LYST: variants seen among roughly 807,000 people sequenced by gnomAD.
LYST encodes lysosomal trafficking regulator.
A neutral mutation model predicts 413.6 loss-of-function variants in LYST; 192 were observed. The ratio of observed to expected loss-of-function variants is 0.46; its 90% confidence interval spans 0.41 to 0.52. LYST has a LOEUF of 0.52. Among genes scored for constraint, LYST ranks in the 20% least tolerant of loss-of-function variants. The probability of loss-of-function intolerance (pLI) is 0.00; values close to 1 mark genes in which losing one functional copy is unlikely to be tolerated. For missense variants in LYST, 3,815 were observed against 4,499.9 expected (o/e 0.85, Z 4.35); for synonymous variants, 1,525 against 1,567.3 (o/e 0.97, Z 0.64).
intron 46 of LYST, among the ~76,000 whole-genome samples, chr1:235,696,685 T>C (rs769874603): frequency 6.6e-6 from 1 of 152,238 alleles, no homozygotes; most frequent in Non-Finnish European, 1.5e-5. Flanking sequence ...CTTTAAAACC[T>C]ATTTTCAAGG....
At position 235,752,017 on chromosome 1, in the gene LYST, T is replaced by C; in HGVS notation, c.7615A>G (p.Lys2539Glu). The C allele has an allele frequency of 1.2e-6, 2 of 1,609,416 alleles. No individual in the cohort carries two copies. The highest frequency in any genetic ancestry group is 1.1e-5 in the South Asian group (1 of 90,946). Reference protein sequence around the residue: ...MLGYLQNSKNKRTQNMAVALQ... With the variant: ...MLGYLQNSKNERTQNMAVALQ... ...AATTAAATCTTACTTTGTGTCCTCT[T>C]GTTTTTGCTATTTTGAAGATATCCA... Residue 2539 changes from lysine (K) to glutamate (E), a missense_variant, in exon 27 of 53, where the codon AAG (lysine) becomes GAG (glutamate). Lys to Glu is a moderately conservative substitution (Grantham distance 56, BLOSUM62 1). Coordinates refer to ENST00000389793, the MANE Select transcript of LYST (RefSeq NM_000081.4).
intron 48 of LYST, among the ~76,000 whole-genome samples, chr1:235,679,135 G>A (rs558272674): frequency 6.6e-6 from 1 of 152,292 alleles, no homozygotes; most frequent in East Asian, 1.9e-4. Context: ...TGTTTAGCTA[G>A]GGCGTGTGAC....
chr1:235,859,868 T>C (rs1679657939), intron 1 of LYST, among the ~76,000 whole-genome samples: 1 of 152,248 alleles, frequency 6.6e-6, no homozygotes, highest in Non-Finnish European at 1.5e-5. Context: ...GAATGTACTC[T>C]GTAAGTTATA....
At chr1:235,866,013 G>C (rs1331585203) in intron 1 of LYST, among the ~76,000 whole-genome samples, 1 of 152,122 alleles carries the variant, frequency 6.6e-6, no homozygotes, top group African/African-American at 2.4e-5. Flanking sequence ...CTGCCGAGCG[G>C]ATCGGGGATG....
At chr1:235,685,799 T>G (rs968140198) in intron 48 of LYST, among the ~76,000 whole-genome samples, 3 of 149,714 alleles carry the variant, frequency 2.0e-5, no homozygotes, top group Non-Finnish European at 4.4e-5. Context: ...TGAGCCAAGA[T>G]CACACCATTG....
intron 45 of LYST, among the ~76,000 whole-genome samples, chr1:235,699,709 T>C (rs1661396706): frequency 6.6e-6 from 1 of 152,218 alleles, no homozygotes; most frequent in Non-Finnish European, 1.5e-5. Context: ...TGTAAAAGCG[T>C]TCCTATTTCT....
intron 1 of LYST, among the ~76,000 whole-genome samples, chr1:235,856,575 T>C (rs970360620): frequency 6.6e-5 from 10 of 152,250 alleles, no homozygotes; most frequent in Non-Finnish European, 5.9e-5. Flanking sequence ...TCTTCAATGT[T>C]TCCTTAAACT....
chr1:235,677,729 T>G, intron 48 of LYST, 110 bp from the exon 49 acceptor site: 1 of 807,946 alleles, frequency 1.2e-6, no homozygotes. Flanking sequence ...CTCAAACATA[T>G]CATTCTTCAA....
intron 43 of LYST, among the ~76,000 whole-genome samples, chr1:235,710,260 T>C (rs1662303729): frequency 6.6e-6 from 1 of 152,104 alleles, no homozygotes; most frequent in African/African-American, 2.4e-5. Context: ...TCACATGGGA[T>C]GGGGATGTGA....
intron 20 of LYST, among the ~76,000 whole-genome samples, chr1:235,767,842 C>A (rs999972101): frequency 1.3e-5 from 2 of 151,976 alleles, no homozygotes; most frequent in African/African-American, 2.4e-5. Flanking sequence ...AGTCAATGGC[C>A]CTTTATCTGC....
At chr1:235,847,033 G>A (rs1368996021) in intron 1 of LYST, among the ~76,000 whole-genome samples, 1 of 152,080 alleles carries the variant, frequency 6.6e-6, no homozygotes, top group Non-Finnish European at 1.5e-5. Flanking sequence ...AGATCACCTG[G>A]GAAATTCATC....
At chr1:235,695,451 G>T (rs1427526114) in intron 46 of LYST, among the ~76,000 whole-genome samples, 1 of 152,154 alleles carries the variant, frequency 6.6e-6, no homozygotes, top group Non-Finnish European at 1.5e-5. Context: ...ATTGTGCGAA[G>T]AAATTAAGTG....
At chr1:235,764,811 T>C (rs1351456306) in intron 21 of LYST, among the ~76,000 whole-genome samples, 1 of 152,176 alleles carries the variant, frequency 6.6e-6, no homozygotes, top group Admixed American at 6.5e-5. Context: ...CCCCATTTAC[T>C]ACATCTCTTA....
intron 48 of LYST, among the ~76,000 whole-genome samples, chr1:235,680,691 T>A (rs112155750): frequency 0.015 from 2,353 of 152,060 alleles, 60 homozygotes; most frequent in African/African-American, 0.053. Context: ...CTCCACCTCC[T>A]GGGTTCAAGT....
In LYST at chr1:235,737,176, CCA is replaced by C. The variant is rs777053265; in HGVS notation, c.8359-2519_8359-2518del. 6.6e-5 allele frequency: 10 copies of C among 152,122 alleles called. No homozygotes were observed. The East Asian group carries it at 7.7e-4, about 12-fold the overall frequency. The allele number at this position is 152,122 out of a possible 1,614,324, so 9.4% of individuals were successfully genotyped here. A position where few individuals can be genotyped will look rare whatever the true frequency, so the allele number is the denominator to read the frequency against. On this transcript the variant is annotated intron_variant, in intron 31 of 52. Transcript: ENST00000389793. ...TAATAGTATGCTAAGAAAAAAAGAA[CCA>C]CAAAGACATCTTCAACTGCACTCAG...
At chr1:235,754,116 T>C (rs553796627) in intron 25 of LYST, among the ~76,000 whole-genome samples, 1 of 152,234 alleles carries the variant, frequency 6.6e-6, no homozygotes, top group African/African-American at 2.4e-5. Flanking sequence ...GTGAGGGATT[T>C]ACTCCTCTCC....
At chr1:235,706,008 G>A (rs1661956790) in intron 44 of LYST, among the ~76,000 whole-genome samples, 1 of 152,040 alleles carries the variant, frequency 6.6e-6, no homozygotes, top group African/African-American at 2.4e-5. Flanking sequence ...GGCCAGGCTG[G>A]TCTTGAACTC....
intron 43 of LYST, among the ~76,000 whole-genome samples, chr1:235,711,550 A>G (rs1662400581): frequency 6.6e-6 from 1 of 152,230 alleles, no homozygotes; most frequent in South Asian, 2.1e-4. Flanking sequence ...CTATTTAAGA[A>G]TAGCTAAGGT....
chr1:235,671,366 T>C (rs1305541534), intron 50 of LYST, among the ~76,000 whole-genome samples: 1 of 152,242 alleles, frequency 6.6e-6, no homozygotes, highest in Admixed American at 6.5e-5. Context: ...TTTTGTCAAA[T>C]GCTTTTTTCT....
Sources: allele counts gnomAD v4.1 joint callset (sites outside exome capture counted in the v4.1 genomes callset), GRCh38; gene constraint gnomAD v4.1.1; transcripts MANE v1.5; gene names NCBI Gene and HGNC (gene_info 2026-07-23, HGNC 2026-07-21).